The following NTM variants were observed in gnomAD, a reference collection of about 807,000 sequenced individuals.
The protein encoded by NTM is IgLON family member 2.
Under a neutral mutation model 42.1 loss-of-function variants are expected in NTM, and 13 were observed. The observed-to-expected ratio is 0.31, with a 90% CI of 0.20 to 0.49. The LOEUF is 0.49. NTM is among the 20% of genes least tolerant of loss of function. The pLI is 0.99. For synonymous variants in NTM, 187 were observed against 179.2 expected (o/e 1.04, Z -0.35); for missense variants, 373 against 452.8 (o/e 0.82, Z 1.60).
chr11:131,414,326 T>C (rs866185791), intron 1 of NTM, among the ~76,000 whole-genome samples: 2 of 152,082 alleles, frequency 1.3e-5, no homozygotes, highest in Non-Finnish European at 2.9e-5. Context: ...CAGGACTGAG[T>C]GGACAGTCTG....
At chr11:131,377,138 T>C (rs78283314) in intron 1 of NTM, among the ~76,000 whole-genome samples, 2,057 of 152,286 alleles carry the variant, frequency 0.014, 49 homozygotes, top group African/African-American at 0.047. Flanking sequence ...AATCCTTGTT[T>C]TGAGACAGGG....
chr11:131,425,300 C>G (rs888295989), intron 1 of NTM, among the ~76,000 whole-genome samples: 10 of 152,136 alleles, frequency 6.6e-5, no homozygotes, highest in Non-Finnish European at 1.2e-4. Flanking sequence ...CAATCTCTGG[C>G]CATAGTTTCC....
At chr11:132,015,085 G>T (rs866789975) in intron 2 of NTM, among the ~76,000 whole-genome samples, 1 of 151,818 alleles carries the variant, frequency 6.6e-6, no homozygotes, top group Non-Finnish European at 1.5e-5. Flanking sequence ...GAGTGATGGG[G>T]TCTAGTTTCA....
chr11:131,805,775 T>C (rs2092447165), intron 1 of NTM, among the ~76,000 whole-genome samples: 1 of 152,234 alleles, frequency 6.6e-6, no homozygotes, highest in East Asian at 1.9e-4. Flanking sequence ...TTCACATTTC[T>C]CTTGCCAGCA....
intron 1 of NTM, among the ~76,000 whole-genome samples, chr11:131,382,364 T>C: frequency 6.6e-6 from 1 of 152,142 alleles, no homozygotes; most frequent in African/African-American, 2.4e-5. Context: ...ACTTGCTGTT[T>C]GGGTAAATAA....
chr11:132,292,199 G>A (rs1010567475), intron 4 of NTM, among the ~76,000 whole-genome samples: 2 of 152,158 alleles, frequency 1.3e-5, no homozygotes, highest in East Asian at 1.9e-4. Context: ...AGCGGGAAGG[G>A]AAGACATTTG....
chr11:132,279,431 C>T (rs556296029), intron 4 of NTM, among the ~76,000 whole-genome samples: 15 of 152,266 alleles, frequency 9.9e-5, no homozygotes, highest in African/African-American at 3.4e-4. Flanking sequence ...AGATGATCAT[C>T]CAAGATTCTC....
At chr11:131,450,447 T>C (rs1407694096) in intron 1 of NTM, among the ~76,000 whole-genome samples, 1 of 152,054 alleles carries the variant, frequency 6.6e-6, no homozygotes, top group Admixed American at 6.5e-5. Context: ...GGGACCCTTC[T>C]CCCTTTTTTA....
At chr11:131,375,559 C>CTTT (rs1219453238) in intron 1 of NTM, among the ~76,000 whole-genome samples, 1 of 152,140 alleles carries the variant, frequency 6.6e-6, no homozygotes, top group African/African-American at 2.4e-5. Context: ...GGCAGAAGGG[C>CTTT]TTTAGAAGGC....
chr11:131,848,959 A>T (rs1438954383), intron 1 of NTM, among the ~76,000 whole-genome samples: 1 of 152,212 alleles, frequency 6.6e-6, no homozygotes, highest in South Asian at 2.1e-4. Flanking sequence ...TGCCAAGTGG[A>T]TGACTTTTCT....
chr11:131,462,292 G>A (rs1951454602), intron 1 of NTM, among the ~76,000 whole-genome samples: 1 of 152,190 alleles, frequency 6.6e-6, no homozygotes, highest in Admixed American at 6.5e-5. Context: ...TTGGATGATG[G>A]AAATGTCTTA....
chr11:132,062,611 T>C (rs1360567828), intron 2 of NTM, among the ~76,000 whole-genome samples: 1 of 152,136 alleles, frequency 6.6e-6, no homozygotes, highest in Non-Finnish European at 1.5e-5. Flanking sequence ...CCACAAACAT[T>C]ATGCATAGCT....
intron 1 of NTM, chr11:131,877,943 C>A (rs1027777466): frequency 6.6e-6 from 1 of 152,184 alleles, no homozygotes; most frequent in Non-Finnish European, 1.5e-5. Flanking sequence ...ACGACACCTG[C>A]GATGGGGGTA....
intron 1 of NTM, among the ~76,000 whole-genome samples, chr11:131,685,094 A>G (rs1377294212): frequency 6.6e-6 from 1 of 152,204 alleles, no homozygotes; most frequent in East Asian, 1.9e-4. Context: ...TTTTAAAACA[A>G]TAGCTTCCAT....
intron 1 of NTM, among the ~76,000 whole-genome samples, chr11:131,670,034 T>G (rs1057266268): frequency 5.9e-5 from 9 of 152,208 alleles, no homozygotes; most frequent in Non-Finnish European, 1.2e-4. Flanking sequence ...GCTTTGTCGG[T>G]GTCTGACTGG....
chr11:131,744,558 AG>A (rs1475160228), intron 1 of NTM, among the ~76,000 whole-genome samples: 3 of 152,104 alleles, frequency 2.0e-5, no homozygotes, highest in Non-Finnish European at 4.4e-5. Flanking sequence ...CTGTCAGGAG[AG>A]GTAAAAGGAA....
intron 1 of NTM, among the ~76,000 whole-genome samples, chr11:131,653,119 C>CTGTG (rs2066723645): frequency 6.6e-6 from 1 of 152,212 alleles, no homozygotes; most frequent in Admixed American, 6.5e-5. Context: ...TGGGTGTGCC[C>CTGTG]TGTGTGGACC....
intron 6 of NTM, 99 bp from the exon 7 acceptor site, chr11:132,314,453 G>T (rs1470506603): frequency 3.0e-6 from 4 of 1,316,720 alleles, no homozygotes; most frequent in Non-Finnish European, 4.1e-6. Context: ...TGTCAGAAAG[G>T]GGGGCAAGGA....
At chr11:131,987,531 T>C (rs1046714402) in intron 2 of NTM, among the ~76,000 whole-genome samples, 3 of 152,184 alleles carry the variant, frequency 2.0e-5, no homozygotes, top group African/African-American at 7.2e-5. Flanking sequence ...ACTTCGAAGA[T>C]CTTTGCTTTT....
Sources: allele counts gnomAD v4.1 joint callset (sites outside exome capture counted in the v4.1 genomes callset), GRCh38; gene constraint gnomAD v4.1.1; transcripts MANE v1.5; gene names NCBI Gene and HGNC (gene_info 2026-07-23, HGNC 2026-07-21).